The following MAGI2 variants were observed in gnomAD, a reference collection of about 807,000 sequenced individuals.
The protein encoded by MAGI2 is membrane-associated guanylate kinase, WW and PDZ domain-containing protein 2.
Under a neutral mutation model 133.3 loss-of-function variants are expected in MAGI2, and 35 were observed. That is an observed-to-expected ratio of 0.26 (90% CI 0.20 to 0.35). The LOEUF (loss-of-function observed/expected upper bound fraction) is 0.35. MAGI2 is among the 10% of genes least tolerant of loss of function. The pLI, the probability that MAGI2 is intolerant of heterozygous loss-of-function variation, is 1.00. For synonymous variants in MAGI2, 729 were observed against 710.6 expected, an observed-to-expected ratio of 1.03 and a Z score of -0.41; for missense variants, 1,636 against 1,863.4, an observed-to-expected ratio of 0.88 and a Z score of 2.25.
chr7:78,821,287 G>A (rs1199036237), intron 2 of MAGI2, among the ~76,000 whole-genome samples: 1 of 151,992 alleles, frequency 6.6e-6, no homozygotes, highest in African/African-American at 2.4e-5. Context: ...ACTGTTTTAG[G>A]CAATTAAGAT....
intron 1 of MAGI2, among the ~76,000 whole-genome samples, chr7:79,230,568 T>G (rs1293460915): frequency 6.6e-6 from 1 of 151,646 alleles, no homozygotes; most frequent in African/African-American, 2.4e-5. Flanking sequence ...TTTCATGTGT[T>G]TTTTGGCTGC....
At chr7:78,896,039 A>G (rs985162912) in intron 2 of MAGI2, among the ~76,000 whole-genome samples, 2 of 152,198 alleles carry the variant, frequency 1.3e-5, no homozygotes, top group African/African-American at 4.8e-5. Context: ...TTTTCAAATC[A>G]GATTGTTAGG....
At chr7:79,403,914 A>C (rs1367884191) in intron 1 of MAGI2, among the ~76,000 whole-genome samples, 2 of 152,186 alleles carry the variant, frequency 1.3e-5, no homozygotes, top group Non-Finnish European at 2.9e-5. Flanking sequence ...TGCGATATTA[A>C]ACATGGAAAC....
At chr7:78,693,315 T>C (rs1049479183) in intron 2 of MAGI2, among the ~76,000 whole-genome samples, 1 of 152,182 alleles carries the variant, frequency 6.6e-6, no homozygotes, top group East Asian at 1.9e-4. Flanking sequence ...TTGGTGGCAG[T>C]TGTAGCATTG....
At chr7:78,105,750 A>T (rs975380026) in intron 20 of MAGI2, among the ~76,000 whole-genome samples, 4 of 151,848 alleles carry the variant, frequency 2.6e-5, no homozygotes, top group Admixed American at 2.0e-4. Context: ...ATAGGTGCAT[A>T]TATTTATGGG....
chr7:78,425,688 C>T (rs1279057178), intron 6 of MAGI2, among the ~76,000 whole-genome samples: 2 of 152,146 alleles, frequency 1.3e-5, no homozygotes, highest in African/African-American at 4.8e-5. Flanking sequence ...CTTGCTCAGT[C>T]AGAATGGAGA....
intron 1 of MAGI2, among the ~76,000 whole-genome samples, chr7:79,266,945 TAGACTTCAGATAAGGGGGAATGATAC>T (rs1408304692): frequency 6.6e-6 from 1 of 152,190 alleles, no homozygotes; most frequent in African/African-American, 2.4e-5. Flanking sequence ...GTCTATCACA[TAGACTTCAGATAAGGGGGAATGATAC>T]AGACTTCAGA....
chr7:78,817,324 A>G (rs550354286), intron 2 of MAGI2, among the ~76,000 whole-genome samples: 2 of 152,356 alleles, frequency 1.3e-5, no homozygotes, highest in Admixed American at 1.3e-4. Context: ...AGGATCTAGA[A>G]TATTACATCA....
At chr7:78,792,554 A>G (rs893304872) in intron 2 of MAGI2, among the ~76,000 whole-genome samples, 6 of 152,202 alleles carry the variant, frequency 3.9e-5, no homozygotes, top group South Asian at 4.1e-4. Flanking sequence ...CAGCCTGTCA[A>G]TTTGAACTCC....
chr7:79,110,784 T>C (rs905523904), intron 1 of MAGI2, among the ~76,000 whole-genome samples: 1 of 152,170 alleles, frequency 6.6e-6, no homozygotes, highest in Non-Finnish European at 1.5e-5. Context: ...TGAGATGTAG[T>C]TCTCCAGTGT....
At chr7:78,463,479 C>G (rs1790285744) in intron 6 of MAGI2, among the ~76,000 whole-genome samples, 1 of 152,216 alleles carries the variant, frequency 6.6e-6, no homozygotes, top group Non-Finnish European at 1.5e-5. Context: ...TAATCAGAGA[C>G]TCTCTGAGGC....
intron 1 of MAGI2, among the ~76,000 whole-genome samples, chr7:79,389,020 G>A (rs951515590): frequency 6.6e-6 from 1 of 151,830 alleles, no homozygotes; most frequent in Non-Finnish European, 1.5e-5. Flanking sequence ...TGTGCATACT[G>A]GAGAAAGAGT....
chr7:78,272,564 T>C (rs2150989313), intron 9 of MAGI2, among the ~76,000 whole-genome samples: 1 of 152,274 alleles, frequency 6.6e-6, no homozygotes, highest in South Asian at 2.1e-4. Context: ...GTTATTATTG[T>C]GTGAGAGTCT....
chr7:78,062,628 G>C (rs1813401727), intron 21 of MAGI2, among the ~76,000 whole-genome samples: 1 of 152,012 alleles, frequency 6.6e-6, no homozygotes, highest in African/African-American at 2.4e-5. Flanking sequence ...ATGTGGCTTT[G>C]TCATCTGGCG....
intron 2 of MAGI2, among the ~76,000 whole-genome samples, chr7:78,652,950 A>C (rs972896730): frequency 2.0e-5 from 3 of 152,006 alleles, no homozygotes; most frequent in Non-Finnish European, 4.4e-5. Flanking sequence ...GAAAAAAAAA[A>C]CACCCCATCA....
intron 2 of MAGI2, among the ~76,000 whole-genome samples, chr7:79,002,134 CT>C (rs11301382): frequency 0.57 from 77,542 of 135,032 alleles, 22,035 homozygotes; most frequent in East Asian, 0.61. Context: ...TCTTCTTCTT[CT>C]TTTTTTTTTT....
At chr7:79,163,985 A>T (rs188371274) in intron 1 of MAGI2, among the ~76,000 whole-genome samples, 103 of 152,062 alleles carry the variant, frequency 6.8e-4, no homozygotes, top group African/African-American at 2.4e-3. Context: ...ACAATTGGCT[A>T]TTACATCAGG....
At chr7:78,422,027 G>A (rs1252959914) in intron 6 of MAGI2, among the ~76,000 whole-genome samples, 1 of 152,124 alleles carries the variant, frequency 6.6e-6, no homozygotes, top group African/African-American at 2.4e-5. Flanking sequence ...GAAATATGTT[G>A]GGCCAATTTC....
Position 78,387,239 on chromosome 7 carries a change from G to A in MAGI2, c.1046-18026C>T, listed in dbSNP as rs17150633. Among the ~76,000 whole-genome samples the A allele has an allele frequency of 3.8e-3, 573 of 152,284 alleles. 1 individual carries two copies. Among genetic ancestry groups the A allele is most frequent in the South Asian group, 9.7e-3 (47 of 4,822 alleles). ...TGTGACATTCATGCACCTTGATTGGGGGTAAGATTTGGAGGTGAGGACTCA... is the reference window on the plus strand; with the variant it reads ...TGTGACATTCATGCACCTTGATTGGAGGTAAGATTTGGAGGTGAGGACTCA... On this transcript the variant is annotated intron_variant, in intron 6 of 21. Coordinates refer to ENST00000354212, the MANE Select transcript of MAGI2 (RefSeq NM_012301.4).
Sources: allele counts gnomAD v4.1 joint callset (sites outside exome capture counted in the v4.1 genomes callset), GRCh38; gene constraint gnomAD v4.1.1; transcripts MANE v1.5; gene names NCBI Gene and HGNC (gene_info 2026-07-23, HGNC 2026-07-21).